SGCZ: variants seen among roughly 807,000 people sequenced by gnomAD.
The protein encoded by SGCZ is sarcoglycan zeta, also known as zeta-sarcoglycan.
Under a neutral mutation model 41.3 loss-of-function variants are expected in SGCZ, and 40 were observed. That is an observed-to-expected ratio of 0.97 (90% CI 0.75 to 1.26). The LOEUF is 1.26. SGCZ is among the 50% of genes most tolerant of loss of function. The pLI is 0.00. For missense variants in SGCZ, 552 were observed against 369.8 expected (o/e 1.49, Z -4.04); for synonymous variants, 206 against 137.5 (o/e 1.50, Z -3.49).
At chr8:14,725,104 C>G (rs1179578312) in intron 1 of SGCZ, among the ~76,000 whole-genome samples, 1 of 152,134 alleles carries the variant, frequency 6.6e-6, no homozygotes, top group Non-Finnish European at 1.5e-5. Flanking sequence ...CAGTATTTGT[C>G]TTTCTGTGCT....
chr8:14,729,633 C>T (rs1810166219), intron 1 of SGCZ, among the ~76,000 whole-genome samples: 1 of 144,470 alleles, frequency 6.9e-6, no homozygotes, highest in Admixed American at 7.2e-5. Flanking sequence ...TTACAGCATC[C>T]AGAGCGTTAA....
intron 2 of SGCZ, among the ~76,000 whole-genome samples, chr8:14,469,182 T>C (rs1801139488): frequency 6.6e-6 from 1 of 152,142 alleles, no homozygotes; most frequent in African/African-American, 2.4e-5. Flanking sequence ...CTTTTAAACA[T>C]CCTTATGACA....
intron 1 of SGCZ, among the ~76,000 whole-genome samples, chr8:14,888,382 A>G (rs1249581965): frequency 3.3e-5 from 5 of 152,134 alleles, no homozygotes; most frequent in Non-Finnish European, 7.4e-5. Context: ...AAGCTTTGCC[A>G]TCTTTTAATA....
At chr8:14,535,864 C>T (rs537319331) in intron 2 of SGCZ, among the ~76,000 whole-genome samples, 2 of 151,754 alleles carry the variant, frequency 1.3e-5, no homozygotes, top group Non-Finnish European at 2.9e-5. Flanking sequence ...ATATTAAAAA[C>T]CATGACGGCA....
In SGCZ at chr8:14,313,349, G is replaced by T. The variant is rs7011894; in HGVS notation, c.336+10754C>A. 8.2e-3 allele frequency among the ~76,000 whole-genome samples: 1,252 copies of T among 152,120 alleles called. 12 individuals carry two copies. Among genetic ancestry groups the T allele is most frequent in the Non-Finnish European group, 0.013 (869 of 67,998 alleles). On this transcript the variant is annotated intron_variant, in intron 3 of 7. Coordinates refer to ENST00000382080, the MANE Select transcript of SGCZ (RefSeq NM_139167.4). Reference sequence around the variant, plus strand: ...TTTATTTATTTTGAGACACAGACTCGCTCTCCCAGGCTGGATCACAGTTGC... The same window carrying T: ...TTTATTTATTTTGAGACACAGACTCTCTCTCCCAGGCTGGATCACAGTTGC...
At chr8:14,457,617 G>C (rs192390032) in intron 2 of SGCZ, among the ~76,000 whole-genome samples, 10 of 152,340 alleles carry the variant, frequency 6.6e-5, no homozygotes, top group African/African-American at 2.4e-4. Flanking sequence ...ACCTGGCTCT[G>C]CCTTCCAGAT....
chr8:14,099,543 G>T (rs1801946570), intron 7 of SGCZ, among the ~76,000 whole-genome samples: 1 of 152,084 alleles, frequency 6.6e-6, no homozygotes, highest in South Asian at 2.1e-4. Flanking sequence ...TGACCAACAT[G>T]GCGACACCCT....
At chr8:14,225,442 G>C (rs538908683) in intron 4 of SGCZ, among the ~76,000 whole-genome samples, 36 of 151,756 alleles carry the variant, frequency 2.4e-4, no homozygotes, top group African/African-American at 8.4e-4. Flanking sequence ...AAAAATTGAG[G>C]CTGAGATAAA....
chr8:14,105,024 A>T (rs1351083094), intron 6 of SGCZ, among the ~76,000 whole-genome samples: 1 of 152,130 alleles, frequency 6.6e-6, no homozygotes, highest in Non-Finnish European at 1.5e-5. Context: ...TTCAAACTGT[A>T]GTAACTTAAC....
At position 14,278,606 on chromosome 8, in the gene SGCZ, T is replaced by C. The variant is rs143755503; in HGVS notation, c.337-40927A>G. Among the ~76,000 whole-genome samples the C allele has an allele frequency of 5.9e-3, 893 of 152,306 alleles. 7 individuals are homozygous for C. Among genetic ancestry groups the C allele is most frequent in the African/African-American group, 0.02 (815 of 41,576 alleles). ...AAAATATTGTGAAATATAACAGATC[T>C]CATAGGCTTATATATTCTCTATATT... On this transcript the variant is annotated intron_variant, in intron 3 of 7. Coordinates refer to ENST00000382080, the MANE Select transcript of SGCZ (RefSeq NM_139167.4).
intron 3 of SGCZ, among the ~76,000 whole-genome samples, chr8:14,315,148 C>A (rs1340259289): frequency 1.3e-5 from 2 of 152,074 alleles, no homozygotes; most frequent in Non-Finnish European, 2.9e-5. Flanking sequence ...AGTCCTGAAA[C>A]TTTGGATGCA....
At chr8:14,213,333 C>T (rs1241289940) in intron 4 of SGCZ, among the ~76,000 whole-genome samples, 1 of 151,960 alleles carries the variant, frequency 6.6e-6, no homozygotes, top group Non-Finnish European at 1.5e-5. Flanking sequence ...TTTAGGGGAA[C>T]AACAATTTGT....
intron 1 of SGCZ, among the ~76,000 whole-genome samples, chr8:14,640,931 T>C (rs1300692398): frequency 6.6e-6 from 1 of 151,730 alleles, no homozygotes; most frequent in Non-Finnish European, 1.5e-5. Flanking sequence ...TATGAATAAC[T>C]GCAAGTTGCT....
At chr8:15,037,652 G>C (rs1012137235) in intron 1 of SGCZ, among the ~76,000 whole-genome samples, 3 of 152,088 alleles carry the variant, frequency 2.0e-5, no homozygotes, top group African/African-American at 7.2e-5. Context: ...ACAAATAAGA[G>C]GCATTCAAAT....
At chr8:14,317,024 T>C (rs1384137763) in intron 3 of SGCZ, among the ~76,000 whole-genome samples, 1 of 151,974 alleles carries the variant, frequency 6.6e-6, no homozygotes, top group African/African-American at 2.4e-5. Context: ...AATCTTGACA[T>C]CATGTTACAT....
intron 1 of SGCZ, among the ~76,000 whole-genome samples, chr8:14,875,964 G>C (rs1443571096): frequency 6.6e-6 from 1 of 152,050 alleles, no homozygotes; most frequent in African/African-American, 2.4e-5. Flanking sequence ...TAAAACAATG[G>C]GAAAATCAGC....
chr8:14,580,555 G>A (rs886440906), intron 1 of SGCZ, among the ~76,000 whole-genome samples: 3 of 152,166 alleles, frequency 2.0e-5, no homozygotes, highest in East Asian at 1.9e-4. Context: ...CAAATAAATT[G>A]TAATAGAAAT....
intron 2 of SGCZ, among the ~76,000 whole-genome samples, chr8:14,403,508 A>T (rs951890284): frequency 3.3e-5 from 5 of 151,918 alleles, no homozygotes; most frequent in African/African-American, 1.2e-4. Flanking sequence ...AAGGTTGTTG[A>T]ATTTTGTCAA....
chr8:15,186,006 C>G (rs557053924), intron 1 of SGCZ, among the ~76,000 whole-genome samples: 18 of 150,460 alleles, frequency 1.2e-4, no homozygotes, highest in African/African-American at 2.7e-4. Context: ...GGGCAGATCA[C>G]GAGGTCAGGA....
Sources: allele counts gnomAD v4.1 joint callset (sites outside exome capture counted in the v4.1 genomes callset), GRCh38; gene constraint gnomAD v4.1.1; transcripts MANE v1.5; gene names NCBI Gene and HGNC (gene_info 2026-07-23, HGNC 2026-07-21).